Variants in CCDC175 observed in about 807,000 individuals in gnomAD.
CCDC175 encodes the protein coiled-coil domain containing 175.
A neutral mutation model predicts 114.6 loss-of-function variants in CCDC175; 100 were observed. That is an observed-to-expected ratio of 0.87 (90% CI 0.74 to 1.03). The LOEUF (loss-of-function observed/expected upper bound fraction) is 1.03, where lower values mean the gene tolerates loss of function less well. CCDC175 is among the 50% of genes least tolerant of loss of function. The pLI, the probability that CCDC175 is intolerant of heterozygous loss-of-function variation, is 0.00. For synonymous variants in CCDC175, 306 were observed against 308.7 expected (o/e 0.99, Z 0.09); for missense variants, 880 against 917.8 (o/e 0.96, Z 0.53).
At chr14:59,524,160 T>A (rs896248367) in intron 16 of CCDC175, among the ~76,000 whole-genome samples, 4 of 152,194 alleles carry the variant, frequency 2.6e-5, no homozygotes, top group African/African-American at 9.7e-5. Context: ...GAATATTATG[T>A]AAATTTTTGT....
intron 5 of CCDC175, among the ~76,000 whole-genome samples, chr14:59,564,120 A>C (rs1956354): frequency 0.53 from 80,830 of 151,988 alleles, 22,551 homozygotes; most frequent in East Asian, 0.82. Context: ...ACTAACAATG[A>C]TTGTTAATAA....
At chr14:59,523,906 G>A (rs1434043312) in intron 16 of CCDC175, among the ~76,000 whole-genome samples, 6 of 151,934 alleles carry the variant, frequency 3.9e-5, no homozygotes, top group Non-Finnish European at 7.4e-5. Context: ...GGAGAATGGC[G>A]TGAACCTGGG....
At chr14:59,535,494 T>A (rs1044414328) in intron 13 of CCDC175, among the ~76,000 whole-genome samples, 2 of 152,192 alleles carry the variant, frequency 1.3e-5, no homozygotes, top group Non-Finnish European at 2.9e-5. Context: ...ATGGTAAAAT[T>A]ATCAAAAATA....
At chr14:59,531,658 G>A (rs1225048613) in intron 14 of CCDC175, 114 bp downstream of exon 14, 7 of 704,362 alleles carry the variant, frequency 9.9e-6, no homozygotes, top group Non-Finnish European at 1.5e-5. Flanking sequence ...AGGTAATGGG[G>A]AAAGTTTGGT....
In CCDC175 at chr14:59,521,587, T is replaced by G; in HGVS notation, c.2085A>C (p.Leu695=). The part of the protein sequence containing the change: ...MHTSSDLSRQ[L]IAQEAQYKDL... ...CACATTACTTACCCTCCTGAGCTATTAGTTGCCGAGACAAGTCGCTTGAGG... is the reference window on the plus strand; with the variant it reads ...CACATTACTTACCCTCCTGAGCTATGAGTTGCCGAGACAAGTCGCTTGAGG... The change falls in exon 17 of 20, where the codon CTA becomes CTC. Residue 695 remains leucine (L), a synonymous_variant. Coordinates refer to ENST00000537690, the MANE Select transcript of CCDC175 (RefSeq NM_001164399.2). 1 of 1,529,460 alleles carries G rather than the reference T, an allele frequency of 6.5e-7. No individual in the cohort carries two copies. Among genetic ancestry groups the G allele is most frequent in the Non-Finnish European group, 8.8e-7 (1 of 1,139,734 alleles). The allele number at this position is 1,529,460 out of a possible 1,614,324, so 94.7% of individuals were successfully genotyped here. A position where few individuals can be genotyped will look rare whatever the true frequency, so the allele number is the denominator to read the frequency against.
At chr14:59,508,227 T>C (rs34951127) in intron 19 of CCDC175, among the ~76,000 whole-genome samples, 4 of 152,002 alleles carry the variant, frequency 2.6e-5, no homozygotes, top group African/African-American at 9.7e-5. Flanking sequence ...CTTCCAAATA[T>C]ACTCTCTTGT....
intron 19 of CCDC175, among the ~76,000 whole-genome samples, chr14:59,506,275 A>ATTTTTTTTT (rs35322741): frequency 7.4e-6 from 1 of 136,032 alleles, no homozygotes; most frequent in Non-Finnish European, 1.6e-5. Flanking sequence ...GAGCACAGGG[A>ATTTTTTTTT]TTTTTTTTTT....
intron 3 of CCDC175, among the ~76,000 whole-genome samples, chr14:59,571,391 A>ATAAAG (rs1458536747): frequency 6.6e-6 from 1 of 152,228 alleles, no homozygotes; most frequent in African/African-American, 2.4e-5. Flanking sequence ...TTCAGAATAC[A>ATAAAG]TAAAGAACTC....
chr14:59,547,806 T>C (rs750570804), intron 8 of CCDC175, among the ~76,000 whole-genome samples: 17 of 152,184 alleles, frequency 1.1e-4, no homozygotes, highest in Non-Finnish European at 1.6e-4. Flanking sequence ...ACTAAAAAGA[T>C]TGATAAACTG....
At chr14:59,562,740 G>T (rs555725763) in intron 6 of CCDC175, among the ~76,000 whole-genome samples, 14 of 152,160 alleles carry the variant, frequency 9.2e-5, no homozygotes, top group African/African-American at 3.4e-4. Context: ...TGGTGCACTC[G>T]ATTTATGATT....
intron 11 of CCDC175, 93 bp from the exon 12 acceptor site, chr14:59,538,933 A>G: frequency 1.7e-6 from 2 of 1,185,586 alleles, no homozygotes; most frequent in South Asian, 3.2e-5. Context: ...TCATACTATG[A>G]CTACACAAAA....
At chr14:59,511,631 T>C in intron 18 of CCDC175, 129 bp downstream of exon 18, 1 of 521,938 alleles carries the variant, frequency 1.9e-6, no homozygotes, top group Non-Finnish European at 3.2e-6. Context: ...AGAGAGCTAG[T>C]GTGAATTTCC....
intron 17 of CCDC175, among the ~76,000 whole-genome samples, chr14:59,513,833 C>T (rs938813667): frequency 2.0e-4 from 30 of 152,178 alleles, no homozygotes; most frequent in African/African-American, 5.1e-4. Flanking sequence ...TCTCCTAGCA[C>T]GCAGCTGGAG....
chr14:59,524,369 C>G (rs1381029458), intron 16 of CCDC175, among the ~76,000 whole-genome samples: 2 of 152,068 alleles, frequency 1.3e-5, no homozygotes. Flanking sequence ...ACAAATTCCT[C>G]TGCTATAAAA....
intron 7 of CCDC175, 29 bp downstream of exon 7, chr14:59,561,090 T>C: frequency 8.7e-7 from 1 of 1,147,348 alleles, no homozygotes; most frequent in South Asian, 1.3e-5. Context: ...TCTCGAAACA[T>C]TTAAGTAAAA....
intron 14 of CCDC175, among the ~76,000 whole-genome samples, chr14:59,531,145 A>G (rs973244278): frequency 1.3e-5 from 2 of 152,032 alleles, no homozygotes; most frequent in Admixed American, 1.3e-4. Flanking sequence ...AAGATTCTGG[A>G]TATATAAACT....
intron 18 of CCDC175, among the ~76,000 whole-genome samples, chr14:59,511,395 C>T (rs1892734294): frequency 6.6e-6 from 1 of 152,080 alleles, no homozygotes; most frequent in African/African-American, 2.4e-5. Context: ...ACTGGTAAAA[C>T]ATGAAGAGGT....
At chr14:59,566,459 C>T (rs1896550423) in intron 4 of CCDC175, among the ~76,000 whole-genome samples, 1 of 152,140 alleles carries the variant, frequency 6.6e-6, no homozygotes, top group South Asian at 2.1e-4. Flanking sequence ...TTTCAGAGGT[C>T]AAACTCCACA....
At chr14:59,518,674 G>A (rs1199842450) in intron 17 of CCDC175, among the ~76,000 whole-genome samples, 1 of 152,204 alleles carries the variant, frequency 6.6e-6, no homozygotes, top group East Asian at 1.9e-4. Context: ...AAAAACAGGT[G>A]CTGGAGAGGA....
Sources: allele counts gnomAD v4.1 joint callset (sites outside exome capture counted in the v4.1 genomes callset), GRCh38; gene constraint gnomAD v4.1.1; transcripts MANE v1.5; gene names NCBI Gene and HGNC (gene_info 2026-07-23, HGNC 2026-07-21).